HDGFL3: variants seen among roughly 807,000 people sequenced by gnomAD.
HDGFL3 encodes HDGF like 3, also known as hepatoma-derived growth factor-related protein 3.
A neutral mutation model predicts 27.6 loss-of-function variants in HDGFL3; 6 were observed. The ratio of observed to expected loss-of-function variants is 0.22; its 90% CI spans 0.12 to 0.43. The LOEUF (loss-of-function observed/expected upper bound fraction) is 0.43. Ranked by LOEUF, HDGFL3 falls within the 20% of genes least tolerant of loss-of-function variation. The pLI is 1.00. For missense variants in HDGFL3, 207 were observed against 250.1 expected (o/e 0.83, Z 1.16); for synonymous variants, 88 against 88.9 (o/e 0.99, Z 0.05).
chr15:83,157,356 TA>T, intron 4 of HDGFL3, 58 bp downstream of exon 4: 1 of 1,495,300 alleles, frequency 6.7e-7, no homozygotes. Flanking sequence ...GAAAATAATC[TA>T]AAAATGTTTA....
chr15:83,203,369 T>C (rs1278407126), intron 1 of HDGFL3, among the ~76,000 whole-genome samples: 1 of 152,086 alleles, frequency 6.6e-6, no homozygotes, highest in East Asian at 1.9e-4. Flanking sequence ...AGTATTCTTA[T>C]TCAGATGGTT....
intron 5 of HDGFL3, among the ~76,000 whole-genome samples, chr15:83,142,938 T>C (rs2036807404): frequency 6.6e-6 from 1 of 152,200 alleles, no homozygotes; most frequent in South Asian, 2.1e-4. Flanking sequence ...GAATTAAGTA[T>C]TTTTAAAATT....
At position 83,151,261 on chromosome 15, in the gene HDGFL3, T is replaced by C. The variant is rs1172051462; in HGVS notation, c.560A>G (p.Asn187Ser). 1 of 1,613,244 alleles carries C rather than the reference T, an allele frequency of 6.2e-7. No individual in the cohort carries two copies. The highest frequency in any genetic ancestry group is 1.7e-5 in the Admixed American group (1 of 59,992). The change falls in exon 5 of 6, where the codon AAC (asparagine) becomes AGC (serine). Residue 187 changes from asparagine (N) to serine (S), a missense_variant. Asn to Ser is a conservative substitution (Grantham distance 46, BLOSUM62 1). Transcript: ENST00000299633. The part of the protein sequence containing the change: ...KSSSEGGDAG[N>S]DTRNTTSDLQ... ...GTCTGAAGTTGTGTTTCTTGTGTCG[T>C]TGCCCGCATCTCCACCCTCAGAGCT...
At chr15:83,202,926 G>C (rs2037666391) in intron 1 of HDGFL3, among the ~76,000 whole-genome samples, 1 of 152,080 alleles carries the variant, frequency 6.6e-6, no homozygotes, top group African/African-American at 2.4e-5. Flanking sequence ...CATTTGGGTT[G>C]TTTCCTGTTC....
At chr15:83,148,670 A>G (rs2151397269) in intron 5 of HDGFL3, among the ~76,000 whole-genome samples, 1 of 152,232 alleles carries the variant, frequency 6.6e-6, no homozygotes, top group South Asian at 2.1e-4. Flanking sequence ...GAAACAACCC[A>G]ACTGCCCATC....
At chr15:83,118,216 C>T (rs1567138786) in intron 3 of HDGFL3, among the ~76,000 whole-genome samples, 1 of 148,436 alleles carries the variant, frequency 6.7e-6, no homozygotes. Context: ...AGAGTGAGAC[C>T]CTGTCTCTGT....
chr15:83,189,099 CACTGCT>C (rs1324061314), intron 1 of HDGFL3, among the ~76,000 whole-genome samples: 1 of 152,080 alleles, frequency 6.6e-6, no homozygotes, highest in African/African-American at 2.4e-5. Context: ...TTTCTACATC[CACTGCT>C]ACTCTACCCC....
At chr15:83,155,269 C>A (rs1006046019) in intron 4 of HDGFL3, among the ~76,000 whole-genome samples, 2 of 152,336 alleles carry the variant, frequency 1.3e-5, no homozygotes, top group Admixed American at 1.3e-4. Flanking sequence ...TGTGTCTTTA[C>A]CCTTTCTCTG....
At chr15:83,112,979 G>C in exon 4 of HDGFL3, 1 of 1,197,752 alleles carries the variant, frequency 8.3e-7, no homozygotes, top group Non-Finnish European at 1.2e-6. Context: ...ATTCCTCCTT[G>C]GTTGTGAATA....
downstream of HDGFL3, chr15:83,126,621 T>G: frequency 7.8e-6 from 5 of 644,110 alleles, no homozygotes; most frequent in Non-Finnish European, 1.1e-5. Flanking sequence ...CCATCATTGA[T>G]GAGCCTCTAC....
In HDGFL3 at chr15:83,136,469, TA is replaced by T. The variant is rs761025193; in HGVS notation, c.*2800del. The T allele has an allele frequency of 1.2e-5, 18 of 1,562,240 alleles. No homozygotes were observed. In the South Asian group the frequency reaches 1.8e-4, roughly 16 times the overall value. On this transcript the variant is annotated 3_prime_UTR_variant, in exon 6 of 6. Coordinates refer to ENST00000299633, the MANE Select transcript of HDGFL3 (RefSeq NM_016073.4). ...TCATGCTTACTCAATTTTTTTTTTT[TA>T]AATGCAACAGGCTCAGTTTTCTCAC...
rs2037704284 is a variant in HDGFL3 at position 83,205,367 on chromosome 15, G to A, written c.84+1964C>T. Among the ~76,000 whole-genome samples the A allele has an allele frequency of 2.0e-5, 3 of 152,274 alleles. No homozygotes were observed. The South Asian group carries it at 6.2e-4, about 32-fold the overall frequency. ...TTGTTTCTTGAGGAGCTCGTTAAAT[G>A]TGAATAGATACAGATTTTTCTTTCT... On this transcript the variant is annotated intron_variant, in intron 1 of 5. Coordinates refer to ENST00000299633, the MANE Select transcript of HDGFL3 (RefSeq NM_016073.4).
exon 4 of HDGFL3, chr15:83,114,638 C>T (rs929001912): frequency 3.3e-5 from 5 of 152,548 alleles, no homozygotes; most frequent in African/African-American, 1.2e-4. Context: ...GCAAGGCCGG[C>T]TTCCCTTCTC....
At chr15:83,194,431 T>C (rs1264162214) in intron 1 of HDGFL3, among the ~76,000 whole-genome samples, 1 of 152,142 alleles carries the variant, frequency 6.6e-6, no homozygotes, top group Non-Finnish European at 1.5e-5. Context: ...TTTTAATGGG[T>C]ATAGTTTGTT....
At chr15:83,165,695 T>A (rs2037161832) in intron 1 of HDGFL3, among the ~76,000 whole-genome samples, 1 of 147,488 alleles carries the variant, frequency 6.8e-6, no homozygotes, top group Non-Finnish European at 1.5e-5. Flanking sequence ...CTCAGGAGGC[T>A]GAGGCAGGAG....
At chr15:83,115,535 G>A (rs1330051096) in exon 4 of HDGFL3, 3 of 485,314 alleles carry the variant, frequency 6.2e-6, no homozygotes, top group Non-Finnish European at 7.8e-6. Context: ...CACTTGTAGG[G>A]GAGTGGAGGA....
chr15:83,163,939 A>G (rs2151405455), intron 2 of HDGFL3, 60 bp downstream of exon 2: 3 of 1,065,120 alleles, frequency 2.8e-6, no homozygotes, highest in East Asian at 2.4e-5. Flanking sequence ...GAGATCATCC[A>G]TAACAATGTA....
intron 2 of HDGFL3, among the ~76,000 whole-genome samples, chr15:83,158,676 T>A (rs1387933412): frequency 6.6e-6 from 1 of 152,198 alleles, no homozygotes; most frequent in Non-Finnish European, 1.5e-5. Context: ...TTGCACTACC[T>A]TCCCACTAGT....
At chr15:83,142,213 A>G (rs1303024650) in intron 5 of HDGFL3, among the ~76,000 whole-genome samples, 1 of 152,230 alleles carries the variant, frequency 6.6e-6, no homozygotes, top group African/African-American at 2.4e-5. Context: ...ATAAAGACAC[A>G]TGCATGAGAA....
Sources: allele counts gnomAD v4.1 joint callset (sites outside exome capture counted in the v4.1 genomes callset), GRCh38; gene constraint gnomAD v4.1.1; transcripts MANE v1.5; gene names NCBI Gene and HGNC (gene_info 2026-07-23, HGNC 2026-07-21).